Variants in NFIA observed in about 807,000 individuals in gnomAD.
NFIA encodes nuclear factor 1 A-type.
NFIA carries 8 observed loss-of-function variants against 62.8 expected under a neutral mutation model. That is an observed-to-expected ratio of 0.13 (90% CI 0.07 to 0.23). The LOEUF is 0.23. Ranked by LOEUF, NFIA falls within the 10% of genes least tolerant of loss-of-function variation. The pLI is 1.00. For synonymous variants in NFIA, 235 were observed against 238.1 expected, an observed-to-expected ratio of 0.99 and a Z score of 0.12; for missense variants, 410 against 642.1, an observed-to-expected ratio of 0.64 and a Z score of 3.91.
chr1:61,406,683 C>T lies in NFIA; in HGVS notation c.1376C>T (p.Pro459Leu). The T allele has an allele frequency of 6.2e-7, 1 of 1,613,034 alleles. No individual in the cohort carries two copies. The highest frequency in any genetic ancestry group is 8.5e-7 in the Non-Finnish European group (1 of 1,179,592). ...CTGCCGGTGCCAGACACAAAGCCTC[C>T]AACCACGTCAACAGAAGGAGGTGCA... ...VPLPVPDTKP[P>L]TTSTEGGAAS... The change falls in exon 9 of 11, where the codon CCA (proline) becomes CTA (leucine). Residue 459 changes from proline (P) to leucine (L), a missense_variant. This residue lies in a region of NFIA where 298 missense variants were observed against 438.1 expected (regional missense o/e 0.68). Transcript: ENST00000403491.
intron 3 of NFIA, among the ~76,000 whole-genome samples, chr1:61,314,429 C>T (rs187567709): frequency 7.9e-5 from 12 of 152,190 alleles, no homozygotes; most frequent in Admixed American, 7.2e-4. Flanking sequence ...TGCTTAAGGT[C>T]ACAAAGCTAG....
chr1:61,405,025 G>A (rs368124489), intron 8 of NFIA, among the ~76,000 whole-genome samples: 15 of 152,252 alleles, frequency 9.9e-5, no homozygotes, highest in South Asian at 4.1e-4. Context: ...AATAAACAAC[G>A]ACCAGCATAA....
chr1:61,251,385 T>G (rs1656028127), intron 2 of NFIA: 2 of 152,208 alleles, frequency 1.3e-5, no homozygotes, highest in African/African-American at 2.4e-5. Context: ...ATGAAGATGG[T>G]AATGTTTACT....
At chr1:61,448,273 C>T (rs1039359193) in intron 10 of NFIA, among the ~76,000 whole-genome samples, 4 of 152,184 alleles carry the variant, frequency 2.6e-5, no homozygotes, top group Non-Finnish European at 4.4e-5. Context: ...TGGGTTTCAC[C>T]GCTCTGATTT....
At chr1:61,080,716 T>C (rs145111499), upstream of NFIA, among the ~76,000 whole-genome samples, 387 of 152,326 alleles carry the variant, frequency 2.5e-3, 2 homozygotes, top group South Asian at 0.01. Flanking sequence ...AATCATTATT[T>C]CTCCTCACTC....
chr1:61,151,322 T>A, intron 2 of NFIA, among the ~76,000 whole-genome samples: 1 of 151,322 alleles, frequency 6.6e-6, no homozygotes, highest in Admixed American at 6.6e-5. Flanking sequence ...TGATTTTCAT[T>A]CCTCAGCCTC....
rs544749390 is a variant in NFIA at position 61,459,678 on chromosome 1, A to C, written c.*4358A>C. On this transcript the variant is annotated 3_prime_UTR_variant, in exon 11 of 11. Transcript: ENST00000403491. ...CCACGGTGTTCAGTCAGCCCACAGG[A>C]ATATGCAAGACCCATCTCCAAAAGT... is the stretch of plus-strand genomic sequence containing the variant. The C allele has an allele frequency of 6.6e-6, 1 of 152,308 alleles. No homozygotes were observed. Among genetic ancestry groups the C allele is most frequent in the African/African-American group, 2.4e-5 (1 of 41,448 alleles). The allele number at this position is 152,308 out of a possible 1,614,324, so 9.4% of individuals were successfully genotyped here.
chr1:61,347,316 G>GGC (rs1433445223), intron 4 of NFIA, among the ~76,000 whole-genome samples: 1 of 151,814 alleles, frequency 6.6e-6, no homozygotes, highest in Admixed American at 6.6e-5. Context: ...TGGGACTACA[G>GGC]GCGCCCACCA....
chr1:61,352,365 G>A, intron 4 of NFIA, 85 bp from the exon 5 acceptor site: 2 of 900,044 alleles, frequency 2.2e-6, no homozygotes, highest in Non-Finnish European at 3.6e-6. Flanking sequence ...AAAAGAAAAT[G>A]TGCTAAATGC....
intron 2 of NFIA, among the ~76,000 whole-genome samples, chr1:61,200,063 T>C (rs1257957777): frequency 1.8e-5 from 1 of 56,244 alleles, no homozygotes; most frequent in African/African-American, 8.7e-5. Context: ...TATATATATA[T>C]ATATGTATGT....
At chr1:61,142,994 C>T (rs147367083) in intron 2 of NFIA, among the ~76,000 whole-genome samples, 4 of 152,292 alleles carry the variant, frequency 2.6e-5, no homozygotes, top group South Asian at 4.1e-4. Flanking sequence ...CAACTCTCTT[C>T]GTGTCTCCTC....
At chr1:61,239,998 T>G (rs1477793682) in intron 2 of NFIA, among the ~76,000 whole-genome samples, 1 of 152,148 alleles carries the variant, frequency 6.6e-6, no homozygotes, top group Non-Finnish European at 1.5e-5. Flanking sequence ...TAGCATGGTT[T>G]ACGTCATATC....
chr1:61,292,110 A>G lies in NFIA; in HGVS notation c.625+14525A>G, dbSNP rs116386831. 5.7e-3 allele frequency among the ~76,000 whole-genome samples: 864 copies of G among 152,292 alleles called. 7 individuals are homozygous for G. The highest frequency in any genetic ancestry group is 0.02 in the African/African-American group (812 of 41,578). ...CACATGACCACCTGACATTGGTACCAAGTGAGGGAGAATGCATTATTAGAA... is the reference window on the plus strand; with the variant it reads ...CACATGACCACCTGACATTGGTACCGAGTGAGGGAGAATGCATTATTAGAA... On this transcript the variant is annotated intron_variant, in intron 3 of 10. Transcript: ENST00000403491.
chr1:61,294,286 A>G (rs1169413450), intron 3 of NFIA, among the ~76,000 whole-genome samples: 1 of 152,120 alleles, frequency 6.6e-6, no homozygotes, highest in African/African-American at 2.4e-5. Context: ...TGTATGGCAG[A>G]TACTGCTCCA....
chr1:61,398,152 A>G (rs889680606), intron 7 of NFIA, among the ~76,000 whole-genome samples: 2 of 152,196 alleles, frequency 1.3e-5, no homozygotes, highest in African/African-American at 2.4e-5. Context: ...AGCCGCGCTC[A>G]TTTGTTTATG....
At position 61,317,848 on chromosome 1, in the gene NFIA, A is replaced by G. The variant is rs184646385; in HGVS notation, c.626-14664A>G. On this transcript the variant is annotated intron_variant, in intron 3 of 10. Coordinates refer to ENST00000403491, the MANE Select transcript of NFIA (RefSeq NM_001134673.4). ...ATTTTTTGAACACATTCTGTGTTCT[A>G]GGTTCTTTGCTAAGCATTTTAAGTG... Among the ~76,000 whole-genome samples the G allele has an allele frequency of 3.3e-5, 5 of 152,196 alleles. No individual in the cohort carries two copies. The East Asian group carries it at 9.7e-4, about 29-fold the overall frequency.
intron 2 of NFIA, among the ~76,000 whole-genome samples, chr1:61,206,975 G>A (rs565333114): frequency 6.6e-6 from 1 of 152,276 alleles, no homozygotes; most frequent in South Asian, 2.1e-4. Flanking sequence ...ATCTTTCGAT[G>A]TATGTCTAGC....
chr1:61,406,542 T>TGGGGGGGGGGGGGGGGGGGGGGGGG lies in NFIA; in HGVS notation c.1255-19_1255-18insGGGGGGGGGGGGGGGGGGGGGGGGG. 5 of 1,253,824 alleles carry TGGGGGGGGGGGGGGGGGGGGGGGGG rather than the reference T, an allele frequency of 4.0e-6. No homozygotes were observed. The highest frequency in any genetic ancestry group is 3.1e-5 in the East Asian group (1 of 32,732). 77.7% of individuals were successfully genotyped at this position (1,253,824 alleles called of 1,614,324 possible). On this transcript the variant is annotated intron_variant, in intron 8 of 10. Transcript: ENST00000403491. ...TTCTTTTTCTTGTACGTGTGTTTTC[T>TGGGGGGGGGGGGGGGGGGGGGGGGG]GCCCCCCCCCCCCCCACAGCCCAAT...
chr1:61,390,577 AAGTTAACAATATCTCCC>A (rs1207417863), intron 7 of NFIA, among the ~76,000 whole-genome samples: 1 of 152,202 alleles, frequency 6.6e-6, no homozygotes, highest in African/African-American at 2.4e-5. Flanking sequence ...TGAAGGTCTG[AAGTTAACAATATCTCCC>A]AGTTTGGCCA....
Sources: allele counts gnomAD v4.1 joint callset (sites outside exome capture counted in the v4.1 genomes callset), GRCh38; gene constraint gnomAD v4.1.1; regional missense constraint gnomAD v4.1.1; transcripts MANE v1.5; gene names NCBI Gene and HGNC (gene_info 2026-07-23, HGNC 2026-07-21).